PTGS1: variants seen among roughly 807,000 people sequenced by gnomAD.
PTGS1 encodes the protein prostaglandin-endoperoxide synthase 1.
Under a neutral mutation model 63.0 loss-of-function variants are expected in PTGS1, and 40 were observed. That is an observed-to-expected ratio of 0.63 (90% confidence interval 0.49 to 0.83). The LOEUF (loss-of-function observed/expected upper bound fraction) is 0.83. Among genes scored for constraint, PTGS1 ranks in the 40% least tolerant of loss-of-function variants. PTGS1 has a pLI of 0.00. For synonymous variants in PTGS1, 298 were observed against 301.9 expected, an observed-to-expected ratio of 0.99 and a Z score of 0.13; for missense variants, 709 against 786.5, an observed-to-expected ratio of 0.90 and a Z score of 1.18.
rs1182952396 is a variant in PTGS1, at chr9:122,391,410, CATATATATATATATAT to C, written c.1445-777_1445-762del. On this transcript the variant is annotated intron_variant, in intron 10 of 10. Coordinates refer to ENST00000362012, the MANE Select transcript of PTGS1 (RefSeq NM_000962.4). ...ACATATATATATACATATATATATA[CATATATATATATATAT>C]ACATATATATATATATATATTTCCC... Among the ~76,000 whole-genome samples, 440 of 50,722 alleles carry C rather than the reference CATATATATATATATAT, an allele frequency of 8.7e-3. 8 individuals are homozygous for C. The highest frequency in any genetic ancestry group is 0.041 in the African/African-American group (419 of 10,300). The allele number at this position is 50,722 out of a possible 152,430, so 33.3% of individuals were successfully genotyped here. A position where few individuals can be genotyped will look rare whatever the true frequency, so the allele number is the denominator to read the frequency against.
intron 2 of PTGS1, among the ~76,000 whole-genome samples, chr9:122,372,990 G>A (rs1485119140): frequency 6.6e-6 from 1 of 151,856 alleles, no homozygotes; most frequent in Non-Finnish European, 1.5e-5. Flanking sequence ...GGGGTATAGG[G>A]AGCCCAGGGA....
At chr9:122,370,861 T>C, upstream of PTGS1, 1 of 692,416 alleles carries the variant, frequency 1.4e-6, no homozygotes, top group Non-Finnish European at 2.4e-6. Context: ...TTCAAGGATC[T>C]TGGGTGAAAA....
intron 9 of PTGS1, among the ~76,000 whole-genome samples, chr9:122,389,202 G>A (rs1838056080): frequency 7.4e-6 from 1 of 135,868 alleles, no homozygotes; most frequent in South Asian, 2.4e-4. Context: ...CTGGGCTGGA[G>A]TGCAGTGGTG....
At chr9:122,376,694 G>A (rs1051994803) in intron 2 of PTGS1, among the ~76,000 whole-genome samples, 8 of 152,166 alleles carry the variant, frequency 5.3e-5, no homozygotes, top group Non-Finnish European at 1.0e-4. Context: ...GGAGCCCGGC[G>A]TTTTCTGTGT....
rs1445436553 is a variant in PTGS1 at position 122,380,481 on chromosome 9, AT to A, written c.497-889del. ...CCCTGTCTCAAAAATAAATAAATAA[AT>A]AAATAAATAAATAAATAAATAAATA... On this transcript the variant is annotated intron_variant, in intron 5 of 10. Coordinates refer to ENST00000362012, the MANE Select transcript of PTGS1 (RefSeq NM_000962.4). 4.4e-3 allele frequency among the ~76,000 whole-genome samples: 647 copies of A among 146,712 alleles called. 5 individuals carry two copies. The highest frequency in any genetic ancestry group is 0.015 in the African/African-American group (627 of 40,754).
Position 122,392,440 on chromosome 9 carries a change from C to G in PTGS1, c.1696C>G (p.Leu566Val), listed in dbSNP as rs2119198469. The part of the protein sequence containing the change: ...NIVKTATLKK[L>V]VCLNTKTCPY... ...TGTCAAGACGGCCACACTGAAGAAG[C>G]TGGTCTGCCTCAACACCAAGACCTG... is the stretch of plus-strand genomic sequence containing the variant. The change falls in exon 11 of 11, where the codon CTG becomes GTG. Residue 566 changes from leucine to valine, a missense_variant. Leu to Val is a conservative substitution (Grantham distance 32). Coordinates refer to ENST00000362012, the MANE Select transcript of PTGS1 (RefSeq NM_000962.4). The G allele has an allele frequency of 1.9e-6, 3 of 1,614,184 alleles. No individual in the cohort carries two copies. Among genetic ancestry groups the G allele is most frequent in the East Asian group, 4.5e-5 (2 of 44,882 alleles).
At chr9:122,371,782 TTCATC>T (rs1486036503) in intron 2 of PTGS1, 1 of 1,534,090 alleles carries the variant, frequency 6.5e-7, no homozygotes, top group South Asian at 1.2e-5. Flanking sequence ...GCCGGGATGC[TTCATC>T]TGGGGTTTAA....
rs2119170104 is a variant in PTGS1 at position 122,386,546 on chromosome 9, C to G, written c.1110C>G (p.Phe370Leu). ...CAGAGCTGCTGTTCGGTGTCCAGTT[C>G]CAATACCGCAACCGCATTGCCATGG... is the stretch of plus-strand genomic sequence containing the variant. ...FDPELLFGVQ[F>L]QYRNRIAMEF... Residue 370 changes from phenylalanine (F) to leucine (L), a missense_variant, in exon 9 of 11, where the codon TTC becomes TTG. Phe to Leu is a conservative substitution (Grantham distance 22). Transcript: ENST00000362012. 6.2e-7 allele frequency: 1 copy of G among 1,614,198 alleles called. No homozygotes were observed. The highest frequency in any genetic ancestry group is 2.2e-5 in the East Asian group (1 of 44,874).
chr9:122,370,938 AGCGGGCAGCC>A, upstream of PTGS1: 1 of 1,317,802 alleles, frequency 7.6e-7, no homozygotes. Context: ...AGAGGAAGTA[AGCGGGCAGCC>A]GAGGTGACAG....
chr9:122,370,577 T>G (rs1454209440), upstream of PTGS1: 2 of 171,856 alleles, frequency 1.2e-5, no homozygotes, highest in Admixed American at 1.1e-4. Context: ...CAGGCTGGAC[T>G]GCCCCATTTC....
At chr9:122,388,515 T>C (rs1231004402) in intron 9 of PTGS1, among the ~76,000 whole-genome samples, 1 of 152,206 alleles carries the variant, frequency 6.6e-6, no homozygotes, top group Admixed American at 6.5e-5. Flanking sequence ...TTTTTACATA[T>C]GCGGGAACTC....
intron 2 of PTGS1, among the ~76,000 whole-genome samples, chr9:122,372,110 T>C (rs1291464416): frequency 6.6e-6 from 1 of 152,146 alleles, no homozygotes; most frequent in Non-Finnish European, 1.5e-5. Context: ...TGTGCGTGTG[T>C]GTGAGCATGT....
chr9:122,372,102 T>TGC (rs1410847116), intron 2 of PTGS1, among the ~76,000 whole-genome samples: 1 of 152,088 alleles, frequency 6.6e-6, no homozygotes, highest in Non-Finnish European at 1.5e-5. Context: ...CTTGTGTGTG[T>TGC]GCGTGTGTGT....
In PTGS1 at chr9:122,377,997, G is replaced by A. The variant is rs199631305; in HGVS notation, c.193G>A (p.Gly65Ser). Residue 65 changes from glycine to serine, a missense_variant, in exon 3 of 11, where the codon GGC becomes AGC. Transcript: ENST00000362012. ...QCDCTRTGYSGPNCTIPGLWT... is the reference protein window; with the variant it reads ...QCDCTRTGYSSPNCTIPGLWT... ...TGACTGCACCCGCACGGGCTATTCCGGCCCCAACTGCACCATCCGTGAGCT... is the reference window on the plus strand; with the variant it reads ...TGACTGCACCCGCACGGGCTATTCCAGCCCCAACTGCACCATCCGTGAGCT... The A allele has an allele frequency of 9.1e-5, 146 of 1,612,994 alleles. No homozygotes were observed. The highest frequency in any genetic ancestry group is 1.2e-4 in the Non-Finnish European group (136 of 1,179,946).
chr9:122,386,959 T>C (rs1406529231), intron 9 of PTGS1, among the ~76,000 whole-genome samples: 1 of 152,122 alleles, frequency 6.6e-6, no homozygotes, highest in African/African-American at 2.4e-5. Flanking sequence ...GGTTCTTGGC[T>C]CATCTTTTAG....
intron 8 of PTGS1, among the ~76,000 whole-genome samples, chr9:122,385,068 G>A (rs1036329906): frequency 6.6e-6 from 1 of 151,986 alleles, no homozygotes; most frequent in Non-Finnish European, 1.5e-5. Flanking sequence ...AGCAATTCTC[G>A]TGTCTCAGCC....
chr9:122,378,160 C>A (rs1688676427), intron 3 of PTGS1, 145 bp downstream of exon 3: 2 of 905,510 alleles, frequency 2.2e-6, no homozygotes, highest in African/African-American at 1.7e-5. Context: ...TCTCCCTGAC[C>A]TGGCTTCAGC....
chr9:122,377,853 G>A (rs1564132731), intron 2 of PTGS1, 46 bp from the exon 3 acceptor site: 2 of 1,553,514 alleles, frequency 1.3e-6, no homozygotes, highest in African/African-American at 1.4e-5. Context: ...ATGGGGGTCA[G>A]GAGGCCACCC....
chr9:122,373,526 A>G (rs1409868080), intron 2 of PTGS1, among the ~76,000 whole-genome samples: 1 of 152,120 alleles, frequency 6.6e-6, no homozygotes, highest in Non-Finnish European at 1.5e-5. Flanking sequence ...GGCGCCCTGA[A>G]TGCTCAAGTA....
Sources: gnomAD v4.1 joint callset for allele counts (sites outside exome capture counted in the v4.1 genomes callset) on GRCh38, gnomAD v4.1.1 for gene constraint, MANE v1.5 for transcripts, NCBI Gene and HGNC (gene_info 2026-07-23, HGNC 2026-07-21) for gene names.